CFAP47: variants seen among roughly 807,000 people sequenced by gnomAD.
CFAP47 encodes cilia and flagella associated protein 47, also known as cilia- and flagella-associated protein 47.
In CFAP47, 29 loss-of-function variants were observed where a neutral mutation model predicts 148.1. That is an observed-to-expected ratio of 0.20 (90% CI 0.15 to 0.27). The LOEUF is 0.27. Among genes scored for constraint, CFAP47 ranks in the 10% least tolerant of loss-of-function variants. The pLI, the probability that CFAP47 is intolerant of heterozygous loss-of-function variation, is 1.00. For synonymous variants in CFAP47, 664 were observed against 577.3 expected, an observed-to-expected ratio of 1.15 and a Z score of -2.15; for missense variants, 1,872 against 1,697.5, an observed-to-expected ratio of 1.10 and a Z score of -1.81.
intron 63 of CFAP47, among the ~76,000 whole-genome samples, chrX:36,382,637 G>A (rs1185572105): frequency 1.6e-4 from 18 of 111,257 alleles, no homozygotes; most frequent in Non-Finnish European, 3.2e-4. Context: ...GGAAACTCGG[G>A]AAATAAAAAT....
Position 36,046,861 on chromosome X carries a change from A to C in CFAP47, c.4015A>C (p.Thr1339Pro). Residue 1339 changes from threonine to proline, a missense_variant, in exon 26 of 64, where the codon ACT (threonine) becomes CCT (proline). Physicochemically the swap from Thr to Pro is conservative, Grantham distance 38. Transcript: ENST00000378653. Reference protein sequence around the residue: ...ILPQNYFRNSTLCVQIPTVRL... With the variant: ...ILPQNYFRNSPLCVQIPTVRL... ...TTTTTTTATTTTAAACAGAAATTCA[A>C]CTCTATGTGTCCAGATTCCCACAGT... The C allele has an allele frequency of 1.8e-6, 2 of 1,128,723 alleles. No individual in the cohort carries two copies. The highest frequency in any genetic ancestry group is 2.4e-6 in the Non-Finnish European group (2 of 848,978). The allele number at this position is 1,128,723 out of a possible 1,213,427, so 93.0% of individuals were successfully genotyped here.
chrX:36,237,486 C>T (rs1484191550), intron 48 of CFAP47, among the ~76,000 whole-genome samples: 3 of 111,296 alleles, frequency 2.7e-5, no homozygotes, highest in South Asian at 3.7e-4. Context: ...TGTGCCACCA[C>T]GCCCAGCTAC....
At chrX:36,090,504 G>A (rs1418292877) in intron 30 of CFAP47, among the ~76,000 whole-genome samples, 1 of 111,384 alleles carries the variant, frequency 9.0e-6, no homozygotes, top group Non-Finnish European at 1.9e-5. Flanking sequence ...GGTCATTTGT[G>A]TTATGACATT....
intron 61 of CFAP47, 131 bp downstream of exon 61, chrX:36,361,632 G>A (rs1366304760): frequency 3.2e-6 from 1 of 312,596 alleles, no homozygotes; most frequent in Non-Finnish European, 5.5e-6. Context: ...AAATATTTTG[G>A]GCTAGATTAC....
intron 37 of CFAP47, among the ~76,000 whole-genome samples, chrX:36,157,065 C>A (rs1224610946): frequency 9.1e-6 from 1 of 110,353 alleles, no homozygotes; most frequent in Non-Finnish European, 1.9e-5. Flanking sequence ...CCAATCGTGT[C>A]ATAAACCTTG....
intron 57 of CFAP47, among the ~76,000 whole-genome samples, chrX:36,323,349 T>TC (rs1383032819): frequency 9.1e-5 from 10 of 109,863 alleles, no homozygotes; most frequent in South Asian, 3.8e-4. Flanking sequence ...CTTTTTTTTT[T>TC]TCTCTCTCTC....
At chrX:36,299,919 T>C (rs782172571) in intron 52 of CFAP47, among the ~76,000 whole-genome samples, 2 of 112,332 alleles carry the variant, frequency 1.8e-5, no homozygotes, top group African/African-American at 3.2e-5. Context: ...AAATTATTAT[T>C]CTGCGAAGCA....
chrX:35,973,904 G>A (rs758045805), intron 13 of CFAP47, among the ~76,000 whole-genome samples: 17 of 112,214 alleles, frequency 1.5e-4, no homozygotes, highest in Non-Finnish European at 2.8e-4. Context: ...AAGTCTAATT[G>A]TAATTCCTTT....
At chrX:36,180,236 T>C (rs2146867567) in intron 40 of CFAP47, among the ~76,000 whole-genome samples, 1 of 85,116 alleles carries the variant, frequency 1.2e-5, no homozygotes, top group East Asian at 4.0e-4. Context: ...TGCTGAATAA[T>C]GAAACAGGAT....
chrX:36,184,935 G>GAAA (rs781889464), intron 40 of CFAP47, among the ~76,000 whole-genome samples: 4 of 82,387 alleles, frequency 4.9e-5, no homozygotes, highest in African/African-American at 1.8e-4. Context: ...CTTCGTCTCA[G>GAAA]AAAAAAAAAA....
chrX:36,275,415 C>CGTGTGTGTGTGT lies in CFAP47; in HGVS notation c.7445-5041_7445-5030dup, dbSNP rs35781816. Among the ~76,000 whole-genome samples, 504 of 87,716 alleles carry CGTGTGTGTGTGT rather than the reference C, an allele frequency of 5.7e-3. 5 individuals carry two copies. The highest frequency in any genetic ancestry group is 0.02 in the African/African-American group (467 of 23,670). The allele number at this position is 87,716 out of a possible 115,157, so 76.2% of individuals were successfully genotyped here. On this transcript the variant is annotated intron_variant, in intron 49 of 63. Coordinates refer to ENST00000378653, the MANE Select transcript of CFAP47 (RefSeq NM_001304548.2). ...TTTTCTATGCATTAAGTGAGATCGT[C>CGTGTGTGTGTGT]GTGTGTGTGTGTGTGTGTGTGTGTG... is the stretch of plus-strand genomic sequence containing the variant.
Position 36,236,702 on chromosome X carries a change from A to G in CFAP47, c.7175A>G (p.Gln2392Arg), listed in dbSNP as rs934436864. ...ECVITGKLIL[Q>R]NEVDGREHIF... is the part of the protein sequence containing the mutation. The stretch of plus-strand genomic sequence containing the variant: ...TTCTCATAGGGTAAACTTATTCTAC[A>G]AAATGAAGTAGATGGTAGGGAGCAC... Residue 2392 changes from glutamine to arginine, a missense_variant, in exon 48 of 64, where the codon CAA (glutamine) becomes CGA (arginine). Coordinates refer to ENST00000378653, the MANE Select transcript of CFAP47 (RefSeq NM_001304548.2). 1 of 525,203 alleles carries G rather than the reference A, an allele frequency of 1.9e-6. No individual in the cohort carries two copies. The highest frequency in any genetic ancestry group is 3.5e-6 in the Non-Finnish European group (1 of 286,724). 43.3% of individuals were successfully genotyped at this position (525,203 alleles called of 1,213,427 possible). A position where few individuals can be genotyped will look rare whatever the true frequency, so the allele number is the denominator to read the frequency against.
intron 2 of CFAP47, among the ~76,000 whole-genome samples, chrX:35,928,660 C>T (rs757201287): frequency 5.5e-5 from 6 of 109,665 alleles, no homozygotes; most frequent in Admixed American, 2.9e-4. Flanking sequence ...TTTTTTTAAA[C>T]GTTCAATGAT....
chrX:36,079,958 A>G (rs1461992226), intron 29 of CFAP47, among the ~76,000 whole-genome samples: 1 of 111,901 alleles, frequency 8.9e-6, no homozygotes, highest in Non-Finnish European at 1.9e-5. Flanking sequence ...GAGCTTCTAC[A>G]TGGCAAAAGA....
Position 36,291,440 on chromosome X carries a change from A to G in CFAP47, c.7686+5714A>G. Among the ~76,000 whole-genome samples, 2 of 111,397 alleles carry G rather than the reference A, an allele frequency of 1.8e-5. 1 individual carries two copies. The highest frequency in any genetic ancestry group is 8.4e-3 in the Middle Eastern group (2 of 238). Reference sequence around the variant, plus strand: ...GGAGTATATTAATTAGTTGAAATCAACATCACAGCTATCTGAAAGACCATT... The same window carrying G: ...GGAGTATATTAATTAGTTGAAATCAGCATCACAGCTATCTGAAAGACCATT... On this transcript the variant is annotated intron_variant, in intron 51 of 63. Transcript: ENST00000378653.
chrX:36,036,370 T>C (rs1569238663), intron 24 of CFAP47, among the ~76,000 whole-genome samples: 2 of 111,142 alleles, frequency 1.8e-5, no homozygotes, highest in Non-Finnish European at 3.8e-5. Flanking sequence ...TTTTTTTTTT[T>C]TGGAAAGGGC....
In CFAP47 at chrX:36,047,082, C is replaced by T. The variant is rs1395127368; in HGVS notation, c.4217+19C>T. The T allele has an allele frequency of 1.0e-6, 1 of 996,485 alleles. No individual in the cohort carries two copies. The highest frequency in any genetic ancestry group is 2.7e-5 in the Admixed American group (1 of 37,578). The allele number at this position is 996,485 out of a possible 1,213,427, so 82.1% of individuals were successfully genotyped here. A position where few individuals can be genotyped will look rare whatever the true frequency, so the allele number is the denominator to read the frequency against. ...AAAACTGGTAAGATATCTAAATGTA[C>T]ATTATTTTGTATCTGACATTAAAGA... On this transcript the variant is annotated intron_variant, in intron 26 of 63. Transcript: ENST00000378653.
intron 39 of CFAP47, among the ~76,000 whole-genome samples, chrX:36,176,526 T>C (rs1040239767): frequency 2.7e-5 from 3 of 112,624 alleles, no homozygotes; most frequent in Non-Finnish European, 5.6e-5. Flanking sequence ...TGAGTCAGAA[T>C]CTGCATTTAA....
intron 28 of CFAP47, among the ~76,000 whole-genome samples, chrX:36,072,476 A>T (rs1256527634): frequency 1.8e-5 from 2 of 111,861 alleles, no homozygotes; most frequent in African/African-American, 6.5e-5. Flanking sequence ...ACAGATAAAT[A>T]TGTGAGTTTC....
Sources: gnomAD v4.1 joint callset for allele counts (sites outside exome capture counted in the v4.1 genomes callset) on GRCh38, gnomAD v4.1.1 for gene constraint, MANE v1.5 for transcripts, NCBI Gene and HGNC (gene_info 2026-07-23, HGNC 2026-07-21) for gene names.